FAM163A: variants seen among roughly 807,000 people sequenced by gnomAD.
FAM163A encodes family with sequence similarity 163 member A, also known as protein FAM163A.
Under a neutral mutation model 12.0 loss-of-function variants are expected in FAM163A, and 7 were observed. The observed-to-expected ratio is 0.58, with a 90% confidence interval of 0.33 to 1.10. FAM163A has a LOEUF of 1.10. Ranked by LOEUF, FAM163A falls within the 50% of genes least tolerant of loss-of-function variation. The pLI, the probability that FAM163A is intolerant of heterozygous loss-of-function variation, is 0.03. For synonymous variants in FAM163A, 101 were observed against 91.0 expected (o/e 1.11, Z -0.62); for missense variants, 202 against 218.6 (o/e 0.92, Z 0.48).
chr1:179,786,657 T>A (rs1369571450), intron 1 of FAM163A, among the ~76,000 whole-genome samples: 3 of 152,226 alleles, frequency 2.0e-5, no homozygotes, highest in Admixed American at 6.5e-5. Context: ...ACACAAGTAT[T>A]ATACCCATTA....
At chr1:179,752,995 C>G (rs1685496495) in intron 1 of FAM163A, among the ~76,000 whole-genome samples, 1 of 152,156 alleles carries the variant, frequency 6.6e-6, no homozygotes, top group South Asian at 2.1e-4. Flanking sequence ...TATTAGTACT[C>G]CCATATTTCT....
chr1:179,801,503 C>A (rs988983516), intron 1 of FAM163A, among the ~76,000 whole-genome samples: 7 of 152,164 alleles, frequency 4.6e-5, no homozygotes, highest in African/African-American at 1.7e-4. Context: ...ACAACATCAG[C>A]CCTCTTTAGA....
chr1:179,762,158 A>T (rs1025193041), intron 1 of FAM163A, among the ~76,000 whole-genome samples: 1 of 152,360 alleles, frequency 6.6e-6, no homozygotes, highest in Admixed American at 6.5e-5. Flanking sequence ...GAATGATTTT[A>T]AAAGGTCATA....
chr1:179,729,652 C>T, the FAM163A span, among the ~76,000 whole-genome samples: 1 of 152,192 alleles, frequency 6.6e-6, no homozygotes, highest in Non-Finnish European at 1.5e-5. Flanking sequence ...ATCAGAGTAG[C>T]ATTACTGCAA....
In FAM163A at chr1:179,815,114, GACACACACAC is replaced by G. The variant is rs5779040; in HGVS notation, c.*953_*962del. 1.0e-4 allele frequency: 13 copies of G among 129,972 alleles called. No homozygotes were observed. Among genetic ancestry groups the G allele is most frequent in the East Asian group, 6.3e-4 (3 of 4,788 alleles). The allele number at this position is 129,972 out of a possible 1,614,324, so 8.1% of individuals were successfully genotyped here. A position where few individuals can be genotyped will look rare whatever the true frequency, so the allele number is the denominator to read the frequency against. On this transcript the variant is annotated 3_prime_UTR_variant, in exon 5 of 5. Transcript: ENST00000341785. Reference sequence around the variant, plus strand: ...GTACGCACGCGCGCGCGCGCGCACAGACACACACACACACACACACACACACACACACACA... The same window carrying G: ...GTACGCACGCGCGCGCGCGCGCACAGACACACACACACACACACACACACA...
At chr1:179,748,844 CAG>C (rs945085194) in intron 1 of FAM163A, among the ~76,000 whole-genome samples, 2 of 152,220 alleles carry the variant, frequency 1.3e-5, no homozygotes, top group South Asian at 2.1e-4. Flanking sequence ...CAGTAGAATA[CAG>C]AGTGTTTTAA....
chr1:179,735,757 C>T, the FAM163A span, among the ~76,000 whole-genome samples: 1 of 152,078 alleles, frequency 6.6e-6, no homozygotes, highest in African/African-American at 2.4e-5. Flanking sequence ...CCCACCTCGG[C>T]CTCCCAAAGT....
chr1:179,752,152 C>T (rs1413691011), intron 1 of FAM163A, among the ~76,000 whole-genome samples: 2 of 152,108 alleles, frequency 1.3e-5, no homozygotes, highest in Admixed American at 6.6e-5. Context: ...ACACATGATA[C>T]GGTCAACTGA....
chr1:179,764,871 G>A (rs1687278550), intron 1 of FAM163A, among the ~76,000 whole-genome samples: 1 of 152,186 alleles, frequency 6.6e-6, no homozygotes, highest in African/African-American at 2.4e-5. Context: ...TACCTCAGGA[G>A]GTTGCTGTGT....
intron 2 of FAM163A, among the ~76,000 whole-genome samples, chr1:179,808,471 G>T (rs1304460949): frequency 6.6e-6 from 1 of 152,216 alleles, no homozygotes; most frequent in African/African-American, 2.4e-5. Flanking sequence ...CATCTCTCAT[G>T]TATGTGGCTG....
At chr1:179,782,482 G>A (rs558083040) in intron 1 of FAM163A, among the ~76,000 whole-genome samples, 33 of 151,494 alleles carry the variant, frequency 2.2e-4, no homozygotes, top group African/African-American at 8.0e-4. Flanking sequence ...TGTGCAAGCA[G>A]GACGGGATGG....
At chr1:179,810,856 A>T (rs1394195554) in intron 2 of FAM163A, among the ~76,000 whole-genome samples, 5 of 152,162 alleles carry the variant, frequency 3.3e-5, no homozygotes, top group Admixed American at 2.6e-4. Context: ...CAGCCTGGCC[A>T]ACATGGTGAA....
At chr1:179,777,717 C>T (rs1488241242) in intron 1 of FAM163A, among the ~76,000 whole-genome samples, 8 of 152,188 alleles carry the variant, frequency 5.3e-5, no homozygotes, top group Admixed American at 5.2e-4. Context: ...TAACAACTTT[C>T]CCCTATAGCT....
At chr1:179,772,473 G>T (rs1396738486) in intron 1 of FAM163A, among the ~76,000 whole-genome samples, 1 of 152,202 alleles carries the variant, frequency 6.6e-6, no homozygotes, top group African/African-American at 2.4e-5. Context: ...ATCACTGGGA[G>T]ACTTGTCAGA....
intron 4 of FAM163A, 30 bp from the exon 5 acceptor site, chr1:179,813,749 T>C: frequency 6.2e-7 from 1 of 1,612,608 alleles, no homozygotes; most frequent in Non-Finnish European, 8.5e-7. Context: ...GCATTCACCC[T>C]CTCAGGCATC....
At chr1:179,788,307 C>T (rs1012788793) in intron 1 of FAM163A, among the ~76,000 whole-genome samples, 1 of 152,174 alleles carries the variant, frequency 6.6e-6, no homozygotes, top group South Asian at 2.1e-4. Context: ...TAAATCCGAA[C>T]GATATTTCTC....
At chr1:179,801,822 T>C (rs1224087724) in intron 1 of FAM163A, among the ~76,000 whole-genome samples, 2 of 152,170 alleles carry the variant, frequency 1.3e-5, no homozygotes, top group Non-Finnish European at 2.9e-5. Flanking sequence ...AATGTGCAGA[T>C]ACCAGGCAGG....
At position 179,813,773 on chromosome 1, in the gene FAM163A, G is replaced by A. The variant is rs754954531; in HGVS notation, c.94-6G>A. ...CTCTCAGGCATCCCTCTGCCCTTCC[G>A]CACAGTATTACTGCTGCAAGAAGAG... On this transcript the variant is annotated splice_region_variant and splice_polypyrimidine_tract_variant and intron_variant, in intron 4 of 4. Transcript: ENST00000341785. 16 of 1,613,752 alleles carry A rather than the reference G, an allele frequency of 9.9e-6. No homozygotes were observed. Among genetic ancestry groups the A allele is most frequent in the Admixed American group, 3.3e-5 (2 of 60,012 alleles).
At chr1:179,781,792 G>A (rs1689773093) in intron 1 of FAM163A, among the ~76,000 whole-genome samples, 2 of 152,030 alleles carry the variant, frequency 1.3e-5, no homozygotes, top group African/African-American at 4.8e-5. Flanking sequence ...AAATTAGCTG[G>A]GCATGGTGGC....
Sources: allele counts gnomAD v4.1 joint callset (sites outside exome capture counted in the v4.1 genomes callset), GRCh38; gene constraint gnomAD v4.1.1; transcripts MANE v1.5; gene names NCBI Gene and HGNC (gene_info 2026-07-23, HGNC 2026-07-21).